The following ZC3H12B variants were observed in gnomAD, a reference collection of about 807,000 sequenced individuals.
The protein encoded by ZC3H12B is probable ribonuclease ZC3H12B.
A neutral mutation model predicts 43.9 loss-of-function variants in ZC3H12B; 7 were observed. The ratio of observed to expected loss-of-function variants is 0.16; its 90% CI spans 0.09 to 0.30. The LOEUF (loss-of-function observed/expected upper bound fraction) is 0.30. Ranked by LOEUF, ZC3H12B falls within the 10% of genes least tolerant of loss-of-function variation. The probability of loss-of-function intolerance (pLI) is 1.00; values close to 1 mark genes in which losing one functional copy is unlikely to be tolerated. For missense variants in ZC3H12B, 475 were observed against 670.2 expected (o/e 0.71, Z 3.22); for synonymous variants, 222 against 241.7 (o/e 0.92, Z 0.76).
At chrX:65,159,468 A>C in the ZC3H12B span, among the ~76,000 whole-genome samples, 2 of 111,549 alleles carry the variant, frequency 1.8e-5, no homozygotes, top group Non-Finnish European at 3.8e-5. Context: ...GTTCTCCTTC[A>C]GGAGGTCCTT....
chrX:65,274,041 A>G, the ZC3H12B span, among the ~76,000 whole-genome samples: 4 of 111,965 alleles, frequency 3.6e-5, no homozygotes, highest in Non-Finnish European at 7.5e-5. Context: ...TTGGAAGTAT[A>G]GGAGGGCAGA....
the ZC3H12B span, among the ~76,000 whole-genome samples, chrX:65,244,727 C>CAAAAAAAAAAAAAAAAA: frequency 9.8e-5 from 2 of 20,370 alleles, no homozygotes; most frequent in Non-Finnish European, 1.7e-4. Context: ...AATACCTTGC[C>CAAAAAAAAAAAAAAAAA]AAAAAAAAAA....
the ZC3H12B span, among the ~76,000 whole-genome samples, chrX:65,161,083 C>G: frequency 9.0e-6 from 1 of 111,171 alleles, no homozygotes; most frequent in Non-Finnish European, 1.9e-5. Flanking sequence ...TAGTGAGTTT[C>G]TTAATCCTGA....
intron 3 of ZC3H12B, among the ~76,000 whole-genome samples, chrX:65,417,088 C>T (rs1380630521): frequency 9.0e-6 from 1 of 111,575 alleles, no homozygotes; most frequent in Non-Finnish European, 1.9e-5. Flanking sequence ...CAAGCCTAGA[C>T]CATTGCTTCT....
the ZC3H12B span, among the ~76,000 whole-genome samples, chrX:65,249,770 G>A: frequency 3.1e-5 from 3 of 97,218 alleles, no homozygotes; most frequent in Non-Finnish European, 6.2e-5. Context: ...GGTCTTTCAA[G>A]TTCTTGGTTA....
chrX:65,231,538 C>T, the ZC3H12B span, among the ~76,000 whole-genome samples: 27 of 110,744 alleles, frequency 2.4e-4, no homozygotes, highest in African/African-American at 7.2e-4. Flanking sequence ...ACAGATACTC[C>T]CAGAGCGGCT....
chrX:65,295,893 G>A, the ZC3H12B span, among the ~76,000 whole-genome samples: 186 of 110,764 alleles, frequency 1.7e-3, 1 homozygote, highest in South Asian at 9.5e-3. Context: ...AAGAAGTAGC[G>A]GGATTGAAAC....
At chrX:65,135,631 G>A in the ZC3H12B span, among the ~76,000 whole-genome samples, 2 of 108,574 alleles carry the variant, frequency 1.8e-5, no homozygotes, top group African/African-American at 6.7e-5. Context: ...ATTTCTTGTA[G>A]TACTTTTTCA....
chrX:65,505,480 CAT>C (rs1461659635), exon 5 of ZC3H12B: 2 of 112,885 alleles, frequency 1.8e-5, no homozygotes, highest in Non-Finnish European at 3.7e-5. Context: ...TATACCCCAG[CAT>C]ATTGAAAAAG....
the ZC3H12B span, among the ~76,000 whole-genome samples, chrX:65,319,822 C>A: frequency 9.0e-6 from 1 of 110,935 alleles, no homozygotes; most frequent in Non-Finnish European, 1.9e-5. Context: ...AAAAAAACAC[C>A]ACATGATCAT....
At chrX:65,089,511 G>A in the ZC3H12B span, among the ~76,000 whole-genome samples, 2 of 111,689 alleles carry the variant, frequency 1.8e-5, no homozygotes, top group African/African-American at 6.5e-5. Flanking sequence ...GAATGTGAAG[G>A]CCTGCTACAT....
the ZC3H12B span, among the ~76,000 whole-genome samples, chrX:65,121,080 A>G: frequency 3.6e-5 from 4 of 111,288 alleles, no homozygotes; most frequent in African/African-American, 9.8e-5. Context: ...TTTTGCATCA[A>G]TGTTCATCAG....
the ZC3H12B span, among the ~76,000 whole-genome samples, chrX:65,070,045 A>C: frequency 9.5e-6 from 1 of 104,992 alleles, no homozygotes; most frequent in Non-Finnish European, 1.9e-5. Flanking sequence ...TTTTTTGTAC[A>C]TCTCATAGAA....
chrX:65,140,303 G>A, the ZC3H12B span, among the ~76,000 whole-genome samples: 1 of 111,184 alleles, frequency 9.0e-6, no homozygotes, highest in African/African-American at 3.3e-5. Flanking sequence ...TTTTTATTAC[G>A]AAGGGATGTT....
chrX:65,200,354 T>C, the ZC3H12B span, among the ~76,000 whole-genome samples: 2 of 110,525 alleles, frequency 1.8e-5, no homozygotes, highest in African/African-American at 6.6e-5. Context: ...ATTACACCTT[T>C]GTCAAATATA....
chrX:65,499,793 G>A lies in ZC3H12B; in HGVS notation c.984-90G>A, dbSNP rs756314434. On this transcript the variant is annotated intron_variant, in intron 3 of 4. Coordinates refer to ENST00000338957, the Ensembl canonical transcript of ZC3H12B. ...GGGCAATTAGAAGGCTGTGACAACA[G>A]TACAGGCAAGAGGTAATGAAAATCT... 3.0e-5 allele frequency: 22 copies of A among 722,378 alleles called. No individual in the cohort carries two copies. The East Asian group carries it at 6.7e-4, about 22-fold the overall frequency. The allele number at this position is 722,378 out of a possible 1,213,427, so 59.5% of individuals were successfully genotyped here. A position where few individuals can be genotyped will look rare whatever the true frequency, so the allele number is the denominator to read the frequency against.
chrX:65,165,356 G>A, the ZC3H12B span, among the ~76,000 whole-genome samples: 2 of 111,874 alleles, frequency 1.8e-5, no homozygotes, highest in East Asian at 5.6e-4. Context: ...GTGGTTGACT[G>A]CACCTATCAG....
the ZC3H12B span, among the ~76,000 whole-genome samples, chrX:65,055,402 A>T: frequency 8.9e-6 from 1 of 111,782 alleles, no homozygotes; most frequent in African/African-American, 3.3e-5. Flanking sequence ...TGATTTGCAT[A>T]TGTTGAACCA....
chrX:65,416,545 G>T (rs1245405051), intron 3 of ZC3H12B, among the ~76,000 whole-genome samples: 1 of 109,982 alleles, frequency 9.1e-6, no homozygotes, highest in African/African-American at 3.3e-5. Flanking sequence ...ACTTTGGGAG[G>T]CTGAGGTGGG....
Sources: gnomAD v4.1 joint callset for allele counts (sites outside exome capture counted in the v4.1 genomes callset) on GRCh38, gnomAD v4.1.1 for gene constraint, MANE v1.5 for transcripts, NCBI Gene and HGNC (gene_info 2026-07-23, HGNC 2026-07-21) for gene names.